L3MBTL4: variants seen among roughly 807,000 people sequenced by gnomAD.
The protein encoded by L3MBTL4 is lethal(3)malignant brain tumor-like protein 4.
Under a neutral mutation model 84.5 loss-of-function variants are expected in L3MBTL4, and 70 were observed. The ratio of observed to expected loss-of-function variants is 0.83; its 90% CI spans 0.68 to 1.01. The LOEUF (loss-of-function observed/expected upper bound fraction) is 1.01. Ranked by LOEUF, L3MBTL4 falls within the 50% of genes least tolerant of loss-of-function variation. L3MBTL4 has a pLI of 0.00. For missense variants in L3MBTL4, 715 were observed against 754.8 expected (o/e 0.95, Z 0.62); for synonymous variants, 274 against 259.8 (o/e 1.05, Z -0.52).
Position 6,311,549 on chromosome 18 carries a change from C to G in L3MBTL4, c.72+5G>C. On this transcript the variant is annotated splice_donor_5th_base_variant and intron_variant, in intron 3 of 18. Coordinates refer to ENST00000317931, the MANE Select transcript of L3MBTL4 (RefSeq NM_001330559.2). ...TGAGGAAGGGTCCAGGGATGGACAT[C>G]TTACCAAGCGTCCGTCCTGATCCAA... 2 of 1,611,474 alleles carry G rather than the reference C, an allele frequency of 1.2e-6. No individual in the cohort carries two copies. Among genetic ancestry groups the G allele is most frequent in the Middle Eastern group, 1.8e-4 (1 of 5,616 alleles).
intron 12 of L3MBTL4, among the ~76,000 whole-genome samples, chr18:6,189,009 C>T (rs374981532): frequency 1.3e-5 from 2 of 152,214 alleles, no homozygotes; most frequent in Non-Finnish European, 2.9e-5. Context: ...CTTCAAAAGA[C>T]AGAAATTTAT....
At chr18:6,393,798 C>T (rs1001226139) in intron 1 of L3MBTL4, among the ~76,000 whole-genome samples, 12 of 152,190 alleles carry the variant, frequency 7.9e-5, no homozygotes, top group African/African-American at 2.2e-4. Context: ...TTGGCCTCCA[C>T]GGCCAGTGAT....
chr18:5,965,522 A>G (rs949558102), intron 17 of L3MBTL4, among the ~76,000 whole-genome samples: 1 of 152,156 alleles, frequency 6.6e-6, no homozygotes, highest in Non-Finnish European at 1.5e-5. Flanking sequence ...AGCCCCCACC[A>G]GTCCAGCTCA....
chr18:6,213,036 A>T, intron 12 of L3MBTL4, 113 bp downstream of exon 12: 1 of 604,092 alleles, frequency 1.7e-6, no homozygotes, highest in Non-Finnish European at 2.8e-6. Flanking sequence ...CCAGAAAATT[A>T]TTGTGCAGAT....
chr18:6,275,289 A>G (rs2601555), intron 4 of L3MBTL4, among the ~76,000 whole-genome samples: 30,314 of 152,102 alleles, frequency 0.2, 3,168 homozygotes, highest in African/African-American at 0.27. Flanking sequence ...GGAGGAATGC[A>G]GGTGGAAATG....
intron 16 of L3MBTL4, among the ~76,000 whole-genome samples, chr18:6,051,233 T>C (rs2056827351): frequency 6.6e-6 from 1 of 152,132 alleles, no homozygotes; most frequent in South Asian, 2.1e-4. Flanking sequence ...TGCATGAATA[T>C]CTCCATTCAA....
intron 13 of L3MBTL4, among the ~76,000 whole-genome samples, chr18:6,160,965 G>A (rs2043312703): frequency 6.6e-6 from 1 of 152,156 alleles, no homozygotes; most frequent in African/African-American, 2.4e-5. Context: ...GTGTGACTGG[G>A]ATTACAGTTT....
intron 16 of L3MBTL4, among the ~76,000 whole-genome samples, chr18:6,061,793 A>AACGTTTTTAG (rs1053291062): frequency 6.6e-6 from 1 of 151,958 alleles, no homozygotes; most frequent in African/African-American, 2.4e-5. Flanking sequence ...TAAATTAAAA[A>AACGTTTTTAG]ACGTTTTTAG....
intron 14 of L3MBTL4, among the ~76,000 whole-genome samples, chr18:6,121,053 T>TA (rs761792066): frequency 2.1e-3 from 324 of 152,258 alleles, no homozygotes; most frequent in Non-Finnish European, 3.6e-3. Flanking sequence ...CAACATTCTA[T>TA]AAAAAAGCCC....
chr18:6,404,315 C>G (rs979539551), intron 1 of L3MBTL4, among the ~76,000 whole-genome samples: 4 of 152,160 alleles, frequency 2.6e-5, no homozygotes, highest in Non-Finnish European at 5.9e-5. Context: ...GTCCTTCCAC[C>G]TTGGTTCTTT....
chr18:5,972,647 C>T (rs2052694047), intron 16 of L3MBTL4, among the ~76,000 whole-genome samples: 1 of 152,064 alleles, frequency 6.6e-6, no homozygotes, highest in Non-Finnish European at 1.5e-5. Flanking sequence ...TACTCTTTAG[C>T]AGGTCTAATG....
chr18:6,071,842 G>GAA (rs1568067491), intron 16 of L3MBTL4, among the ~76,000 whole-genome samples: 31 of 100,978 alleles, frequency 3.1e-4, no homozygotes, highest in African/African-American at 2.4e-3. Flanking sequence ...GAAAGAGAAA[G>GAA]AGAGAGAGGG....
Position 6,030,017 on chromosome 18 carries a change from G to C in L3MBTL4, c.1444+50864C>G, listed in dbSNP as rs970351166. 9.1e-6 allele frequency: 9 copies of C among 985,302 alleles called. No homozygotes were observed. In the African/African-American group the frequency reaches 1.4e-4, roughly 15 times the overall value. 61.0% of individuals were successfully genotyped at this position (985,302 alleles called of 1,614,324 possible). ...AACCATCCAGATGGCCATGGGCAGG[G>C]ACTGGTCACTTATAGTGTGCCGCTC... On this transcript the variant is annotated intron_variant, in intron 16 of 18. Transcript: ENST00000317931.
At chr18:6,409,074 A>T (rs2055857594) in intron 1 of L3MBTL4, among the ~76,000 whole-genome samples, 1 of 152,170 alleles carries the variant, frequency 6.6e-6, no homozygotes, top group South Asian at 2.1e-4. Flanking sequence ...TCCTTTAGAC[A>T]TCCAAATTGT....
At chr18:5,969,250 G>C (rs2052510552) in intron 17 of L3MBTL4, 143 bp downstream of exon 17, 1 of 859,706 alleles carries the variant, frequency 1.2e-6, no homozygotes, top group Non-Finnish European at 1.8e-6. Flanking sequence ...TCTAATTTAG[G>C]TTTTAAAGTT....
intron 1 of L3MBTL4, among the ~76,000 whole-genome samples, chr18:6,410,662 C>T (rs572038982): frequency 6.6e-6 from 1 of 152,322 alleles, no homozygotes; most frequent in South Asian, 2.1e-4. Flanking sequence ...TTCTCTCTGG[C>T]TAGTTACAGT....
At chr18:6,211,516 C>G (rs1003530653) in intron 12 of L3MBTL4, among the ~76,000 whole-genome samples, 1 of 152,088 alleles carries the variant, frequency 6.6e-6, no homozygotes, top group Non-Finnish European at 1.5e-5. Flanking sequence ...ATTGCTTGCT[C>G]ATAAACTGGC....
chr18:6,314,477 T>C (rs1012304010), intron 1 of L3MBTL4, among the ~76,000 whole-genome samples: 9 of 152,226 alleles, frequency 5.9e-5, no homozygotes, highest in African/African-American at 2.2e-4. Flanking sequence ...GAGCACCACC[T>C]ACCATAGACA....
chr18:6,082,047 G>A (rs1368524047), intron 15 of L3MBTL4, among the ~76,000 whole-genome samples: 1 of 152,102 alleles, frequency 6.6e-6, no homozygotes, highest in East Asian at 1.9e-4. Flanking sequence ...GCGAAAACTT[G>A]AGTTCACGCC....
Sources: allele counts gnomAD v4.1 joint callset (sites outside exome capture counted in the v4.1 genomes callset), GRCh38; gene constraint gnomAD v4.1.1; transcripts MANE v1.5; gene names NCBI Gene and HGNC (gene_info 2026-07-23, HGNC 2026-07-21).